The following MAPK11 variants were observed in gnomAD, a reference collection of about 807,000 sequenced individuals.
MAPK11 encodes the protein MAP kinase 11.
Under a neutral mutation model 52.2 loss-of-function variants are expected in MAPK11, and 44 were observed. The observed-to-expected ratio is 0.84, with a 90% CI of 0.66 to 1.08. The LOEUF is 1.08. Among genes scored for constraint, MAPK11 ranks in the 50% least tolerant of loss-of-function variants. The pLI is 0.00. For missense variants in MAPK11, 436 were observed against 494.7 expected (o/e 0.88, Z 1.13); for synonymous variants, 233 against 206.3 (o/e 1.13, Z -1.11).
chr22:50,265,422 T>A lies in MAPK11; in HGVS notation c.914A>T (p.His305Leu), dbSNP rs764003550. 6.2e-7 allele frequency: 1 copy of A among 1,613,136 alleles called. No homozygotes were observed. Among genetic ancestry groups the A allele is most frequent in the Non-Finnish European group, 8.5e-7 (1 of 1,179,992 alleles). The part of the protein sequence containing the change: ...QRVSAAEALA[H>L]AYFSQYHDPE... ...GTCGTGGTACTGGCTGAAGTAGGCG[T>A]GGGCCAGTGCCTCAGCTGCACTGAC... Residue 305 changes from histidine to leucine, a missense_variant, in exon 11 of 12, where the codon CAC becomes CTC. Transcript: ENST00000330651.
At position 50,267,409 on chromosome 22, in the gene MAPK11, C is replaced by T; in HGVS notation, c.379G>A (p.Val127Ile). Residue 127 changes from valine (V) to isoleucine (I), a missense_variant, in exon 4 of 12, where the codon GTT (valine) becomes ATT (isoleucine). Transcript: ENST00000330651. ...VKCQALSDEHVQFLVYQLLRG... is the reference protein window; with the variant it reads ...VKCQALSDEHIQFLVYQLLRG... ...AGCAGCTGGTAAACCAGGAATTGAA[C>T]GTGCTCGTCGCTCAGCGCCTGGCAC... 1 of 1,587,726 alleles carries T rather than the reference C, an allele frequency of 6.3e-7. No individual in the cohort carries two copies. The highest frequency in any genetic ancestry group is 8.6e-7 in the Non-Finnish European group (1 of 1,164,806).
In MAPK11 at chr22:50,267,293, G is replaced by A. The variant is rs2065271025; in HGVS notation, c.418-7C>T. The A allele has an allele frequency of 6.2e-7, 1 of 1,600,544 alleles. No homozygotes were observed. Among genetic ancestry groups the A allele is most frequent in the Admixed American group, 1.7e-5 (1 of 58,108 alleles). On this transcript the variant is annotated splice_region_variant and splice_polypyrimidine_tract_variant and intron_variant, in intron 4 of 11. Transcript: ENST00000330651. ...TCCCGGCCGAGTGGATGTACTGCGG[G>A]AGGGGGATTGTGGTGAGCGCCGGGC...
chr22:50,267,277 A>G lies in MAPK11; in HGVS notation c.427T>C (p.Ser143Pro). Residue 143 changes from serine to proline, a missense_variant, in exon 5 of 12, where the codon TCG (serine) becomes CCG (proline). By Grantham distance (74) the Ser-to-Pro change is moderately conservative (BLOSUM62 -1). Transcript: ENST00000330651. ...QLLRGLKYIH[S>P]AGIIHRDLKP... Reference sequence around the variant, plus strand: ...CCTACCCGGTGGATGATCCCGGCCGAGTGGATGTACTGCGGGAGGGGGATT... The same window carrying G: ...CCTACCCGGTGGATGATCCCGGCCGGGTGGATGTACTGCGGGAGGGGGATT... 6.2e-7 allele frequency: 1 copy of G among 1,603,188 alleles called. No individual in the cohort carries two copies.
At chr22:50,268,483 C>T (rs1434178522) in intron 1 of MAPK11, among the ~76,000 whole-genome samples, 1 of 152,198 alleles carries the variant, frequency 6.6e-6, no homozygotes, top group Non-Finnish European at 1.5e-5. Context: ...TTATTTGGAA[C>T]AAAACCGGGA....
Position 50,266,745 on chromosome 22 carries a change from AG to A in MAPK11, c.611-135del, listed in dbSNP as rs373892476. 35 of 988,970 alleles carry A rather than the reference AG, an allele frequency of 3.5e-5. No homozygotes were observed. The African/African-American group carries it at 5.6e-4, about 16-fold the overall frequency. 61.3% of individuals were successfully genotyped at this position (988,970 alleles called of 1,614,324 possible). A position where few individuals can be genotyped will look rare whatever the true frequency, so the allele number is the denominator to read the frequency against. ...ATACCCAACCCCCCTAGGCAGGGGG[AG>A]GTCCATAGCTGCACAGCCAGAGGAG... On this transcript the variant is annotated intron_variant, in intron 7 of 11. Coordinates refer to ENST00000330651, the MANE Select transcript of MAPK11 (RefSeq NM_002751.7).
Position 50,267,272 on chromosome 22 carries a change from G to C in MAPK11, c.432C>G (p.Ala144=), listed in dbSNP as rs776586987. 16 of 1,603,706 alleles carry C rather than the reference G, an allele frequency of 1.0e-5. No homozygotes were observed. The highest frequency in any genetic ancestry group is 1.6e-4 in the Middle Eastern group (1 of 6,070). Residue 144 remains alanine (A), a synonymous_variant, in exon 5 of 12, where the codon GCC becomes GCG. Transcript: ENST00000330651. ...LLRGLKYIHS[A]GIIHRDLKPS... is the part of the protein sequence containing the mutation. The stretch of plus-strand genomic sequence containing the variant: ...TCGCACCTACCCGGTGGATGATCCC[G>C]GCCGAGTGGATGTACTGCGGGAGGG...
At chr22:50,268,416 T>C (rs1034369736) in intron 1 of MAPK11, among the ~76,000 whole-genome samples, 7 of 152,218 alleles carry the variant, frequency 4.6e-5, no homozygotes, top group Admixed American at 6.5e-5. Flanking sequence ...GGACCCCTGG[T>C]GCCTCCGAAT....
chr22:50,266,381 T>A, intron 8 of MAPK11, 76 bp from the exon 9 acceptor site: 1 of 1,473,200 alleles, frequency 6.8e-7, no homozygotes, highest in Non-Finnish European at 9.3e-7. Flanking sequence ...TTTGGGGCGC[T>A]GCCCAGAGCC....
chr22:50,268,475 A>G (rs2065283855), intron 1 of MAPK11, among the ~76,000 whole-genome samples: 1 of 152,192 alleles, frequency 6.6e-6, no homozygotes, highest in Non-Finnish European at 1.5e-5. Context: ...TTGCATCATT[A>G]TTTGGAACAA....
intron 9 of MAPK11, 85 bp from the exon 10 acceptor site, chr22:50,265,745 A>G: frequency 1.2e-6 from 1 of 823,438 alleles, no homozygotes. Flanking sequence ...GCAAGCCCCC[A>G]GACTCATTCA....
chr22:50,267,260 G>T lies in MAPK11; in HGVS notation c.444C>A (p.His148Gln). 1.2e-6 allele frequency: 2 copies of T among 1,606,324 alleles called. No individual in the cohort carries two copies. Among genetic ancestry groups the T allele is most frequent in the Non-Finnish European group, 1.7e-6 (2 of 1,178,168 alleles). The change falls in exon 5 of 12, where the codon CAC becomes CAA. Residue 148 changes from histidine to glutamine, a missense_variant. By Grantham distance (24) the His-to-Gln change is conservative. Coordinates refer to ENST00000330651, the MANE Select transcript of MAPK11 (RefSeq NM_002751.7). ...CTCACCCTGCGGTCGCACCTACCCG[G>T]TGGATGATCCCGGCCGAGTGGATGT... Reference protein sequence around the residue: ...LKYIHSAGIIHRDLKPSNVAV... With the variant: ...LKYIHSAGIIQRDLKPSNVAV...
chr22:50,265,393 C>G lies in MAPK11; in HGVS notation c.943G>C (p.Glu315Gln). The change falls in exon 11 of 12, where the codon GAG becomes CAG. Residue 315 changes from glutamate (E) to glutamine (Q), a missense_variant. Transcript: ENST00000330651. The part of the protein sequence containing the change: ...HAYFSQYHDP[E>Q]DEPEAEPYDE... ...TATGGCTCGGCCTCTGGCTCATCCTCGGGGTCGTGGTACTGGCTGAAGTAG... is the reference window on the plus strand; with the variant it reads ...TATGGCTCGGCCTCTGGCTCATCCTGGGGGTCGTGGTACTGGCTGAAGTAG... 1 of 1,613,142 alleles carries G rather than the reference C, an allele frequency of 6.2e-7. No homozygotes were observed. The highest frequency in any genetic ancestry group is 8.5e-7 in the Non-Finnish European group (1 of 1,180,010).
Position 50,267,510 on chromosome 22 carries a change from G to A in MAPK11, c.306-28C>T, listed in dbSNP as rs778766258. On this transcript the variant is annotated intron_variant, in intron 3 of 11. Coordinates refer to ENST00000330651, the MANE Select transcript of MAPK11 (RefSeq NM_002751.7). ...GGGGCGGGGTCAGGGGGTCAGGACA[G>A]GGCCCCACCGCCCCACCGCGAACGC... is the stretch of plus-strand genomic sequence containing the variant. 3.8e-6 allele frequency: 6 copies of A among 1,577,256 alleles called. No homozygotes were observed. In the East Asian group the frequency reaches 1.4e-4, roughly 36 times the overall value.
intron 2 of MAPK11, 64 bp downstream of exon 2, chr22:50,267,756 T>C: frequency 7.4e-7 from 1 of 1,343,540 alleles, no homozygotes; most frequent in Non-Finnish European, 1.0e-6. Context: ...CTCGCCCGCC[T>C]ATTGGCTGCG....
intron 1 of MAPK11, among the ~76,000 whole-genome samples, chr22:50,269,032 G>A (rs989948548): frequency 6.6e-6 from 1 of 152,134 alleles, no homozygotes; most frequent in Non-Finnish European, 1.5e-5. Context: ...ATGGGCCAGG[G>A]GTGCAAGGGG....
chr22:50,268,587 C>T lies in MAPK11; in HGVS notation c.117-638G>A, dbSNP rs534316848. Among the ~76,000 whole-genome samples the T allele has an allele frequency of 2.6e-5, 4 of 152,350 alleles. No individual in the cohort carries two copies. In the South Asian group the frequency reaches 8.3e-4, roughly 32 times the overall value. ...CCAGAGGTCCAGACCCTCTACCCTGCACCAGCTTCCTGAGCCCACCCTCCC... is the reference window on the plus strand; with the variant it reads ...CCAGAGGTCCAGACCCTCTACCCTGTACCAGCTTCCTGAGCCCACCCTCCC... On this transcript the variant is annotated intron_variant, in intron 1 of 11. Transcript: ENST00000330651.
At chr22:50,265,102 A>C (rs559420687) in intron 11 of MAPK11, 75 bp from the exon 12 acceptor site, 53 of 1,383,864 alleles carry the variant, frequency 3.8e-5, no homozygotes, top group Non-Finnish European at 4.4e-5. Flanking sequence ...GGCACCTGCC[A>C]CCCAGCCCAG....
rs1281098509 is a variant in MAPK11, at chr22:50,264,878, A to G, written c.*70T>C. 7.6e-7 allele frequency: 1 copy of G among 1,315,110 alleles called. No individual in the cohort carries two copies. Among genetic ancestry groups the G allele is most frequent in the East Asian group, 2.4e-5 (1 of 41,392 alleles). The allele number at this position is 1,315,110 out of a possible 1,614,324, so 81.5% of individuals were successfully genotyped here. A position where few individuals can be genotyped will look rare whatever the true frequency, so the allele number is the denominator to read the frequency against. Reference sequence around the variant, plus strand: ...AGTGTGGGAGGTGCCTCTCGAGGAAACCAGGCCAGCTGTGGAAGGGTGCAG... The same window carrying G: ...AGTGTGGGAGGTGCCTCTCGAGGAAGCCAGGCCAGCTGTGGAAGGGTGCAG... On this transcript the variant is annotated 3_prime_UTR_variant, in exon 12 of 12. Coordinates refer to ENST00000330651, the MANE Select transcript of MAPK11 (RefSeq NM_002751.7).
At position 50,270,351 on chromosome 22, in the gene MAPK11, G is replaced by A. The variant is rs1459466249; in HGVS notation, c.-59C>T. Reference sequence around the variant, plus strand: ...CCCCGCGCCCCGCGCCCGCGCCCGAGCCGAGCCCGAGCCGAGCGGAGCGGA... The same window carrying A: ...CCCCGCGCCCCGCGCCCGCGCCCGAACCGAGCCCGAGCCGAGCGGAGCGGA... On this transcript the variant is annotated 5_prime_UTR_variant, in exon 1 of 12. Coordinates refer to ENST00000330651, the MANE Select transcript of MAPK11 (RefSeq NM_002751.7). This position sits in a 1 kb window ranked among gnomAD's most constrained non-coding sequence, Gnocchi z 6.3. The A allele has an allele frequency of 1.5e-6, 1 of 682,054 alleles. No individual in the cohort carries two copies. The highest frequency in any genetic ancestry group is 5.9e-5 in the Admixed American group (1 of 16,880). 42.3% of individuals were successfully genotyped at this position (682,054 alleles called of 1,614,324 possible). A position where few individuals can be genotyped will look rare whatever the true frequency, so the allele number is the denominator to read the frequency against.
Sources: allele counts gnomAD v4.1 joint callset (sites outside exome capture counted in the v4.1 genomes callset), GRCh38; gene constraint gnomAD v4.1.1; non-coding constraint Gnocchi (gnomAD v3.1); transcripts MANE v1.5; gene names NCBI Gene and HGNC (gene_info 2026-07-23, HGNC 2026-07-21).